Variants in PPARG observed in about 807,000 individuals in gnomAD.
The protein encoded by PPARG is peroxisome proliferator activated receptor gamma.
A neutral mutation model predicts 39.2 loss-of-function variants in PPARG; 17 were observed. The observed-to-expected ratio is 0.43, with a 90% CI of 0.30 to 0.65. The LOEUF (loss-of-function observed/expected upper bound fraction) is 0.65, where lower values mean the gene tolerates loss of function less well. Among genes scored for constraint, PPARG ranks in the 30% least tolerant of loss-of-function variants. The pLI is 0.13. For missense variants in PPARG, 406 were observed against 585.9 expected, an observed-to-expected ratio of 0.69 and a Z score of 3.17; for synonymous variants, 223 against 215.7, an observed-to-expected ratio of 1.03 and a Z score of -0.30.
intron 5 of PPARG, among the ~76,000 whole-genome samples, chr3:12,393,675 A>G (rs2050157364): frequency 6.6e-6 from 1 of 152,122 alleles, no homozygotes; most frequent in African/African-American, 2.4e-5. Flanking sequence ...TTCATCAGCT[A>G]TCCTATTTTT....
chr3:12,352,239 T>C (rs927441619), intron 2 of PPARG, among the ~76,000 whole-genome samples: 9 of 152,218 alleles, frequency 5.9e-5, no homozygotes, highest in African/African-American at 2.2e-4. Flanking sequence ...GGATACTTCC[T>C]AGCATAGTGC....
intron 2 of PPARG, among the ~76,000 whole-genome samples, chr3:12,350,357 A>G (rs907096368): frequency 6.6e-6 from 1 of 152,190 alleles, no homozygotes; most frequent in African/African-American, 2.4e-5. Flanking sequence ...AGGCTCTTGC[A>G]CCATGATTGA....
At chr3:12,397,629 C>A (rs905141430) in intron 5 of PPARG, among the ~76,000 whole-genome samples, 2 of 151,864 alleles carry the variant, frequency 1.3e-5, no homozygotes, top group East Asian at 3.9e-4. Context: ...CCAGGATGGT[C>A]GCGATCTCCT....
intron 1 of PPARG, among the ~76,000 whole-genome samples, chr3:12,305,463 G>A (rs10510412): frequency 0.25 from 37,920 of 152,056 alleles, 4,844 homozygotes; most frequent in East Asian, 0.33. Context: ...TTTTGTAAGC[G>A]TAATGGCTTG....
intron 6 of PPARG, among the ~76,000 whole-genome samples, chr3:12,413,334 T>C (rs1335393629): frequency 5.3e-5 from 8 of 152,218 alleles, no homozygotes; most frequent in Admixed American, 4.6e-4. Flanking sequence ...GGGATCACTC[T>C]TGCAGTTTGA....
chr3:12,351,752 T>G (rs1224967362), intron 2 of PPARG: 2 of 1,146,190 alleles, frequency 1.7e-6, no homozygotes, highest in African/African-American at 1.5e-5. Flanking sequence ...GTAGTTTGTC[T>G]TCCAGGTTGT....
At chr3:12,405,815 G>A in intron 5 of PPARG, 67 bp from the exon 6 acceptor site, 2 of 1,517,452 alleles carry the variant, frequency 1.3e-6, no homozygotes, top group South Asian at 1.1e-5. Flanking sequence ...AGGGCTGGGA[G>A]AGCACAGTGT....
At chr3:12,399,248 G>C in intron 5 of PPARG, 2 of 408,990 alleles carry the variant, frequency 4.9e-6, no homozygotes, top group Non-Finnish European at 9.8e-6. Flanking sequence ...AGAAACCTAA[G>C]AAAATGTTTA....
intron 2 of PPARG, among the ~76,000 whole-genome samples, chr3:12,341,802 C>G (rs748477348): frequency 3.3e-5 from 5 of 150,796 alleles, no homozygotes; most frequent in Non-Finnish European, 5.9e-5. Context: ...GAGCAAGACC[C>G]TGTCTCAAAA....
chr3:12,381,453 G>T lies in PPARG; in HGVS notation c.352G>T (p.Gly118Ter). The T allele has an allele frequency of 6.2e-7, 1 of 1,613,390 alleles. No individual in the cohort carries two copies. The highest frequency in any genetic ancestry group is 1.1e-5 in the South Asian group (1 of 91,058). Reference protein sequence around the residue: ...ECRVCGDKASGFHYGVHACEG... With the variant: ...ECRVCGDKAS The stretch of plus-strand genomic sequence containing the variant: ...TCGTGTCTGTGGAGATAAAGCTTCT[G>T]GATTTCACTATGGAGTTCATGCTTG... The change falls in exon 4 of 8, where the codon GGA (glycine) becomes TGA (stop). Residue 118 changes from glycine (G) to a stop codon, truncating the protein, a stop_gained. Transcript: ENST00000651735. LOFTEE classifies it high-confidence loss of function.
chr3:12,415,891 AT>A (rs1289771751), intron 6 of PPARG, among the ~76,000 whole-genome samples: 2 of 152,240 alleles, frequency 1.3e-5, no homozygotes, highest in African/African-American at 4.8e-5. Context: ...CGGAAAAGTT[AT>A]TACCTGTGAA....
chr3:12,292,042 C>T (rs1452951538), intron 1 of PPARG, among the ~76,000 whole-genome samples: 1 of 152,168 alleles, frequency 6.6e-6, no homozygotes, highest in Non-Finnish European at 1.5e-5. Flanking sequence ...AACTCTTTTA[C>T]CAATGTTAAT....
rs372418195 is a variant in PPARG at position 12,409,329 on chromosome 3, A to T, written c.729+3248A>T. 3.9e-5 allele frequency among the ~76,000 whole-genome samples: 6 copies of T among 152,230 alleles called. No individual in the cohort carries two copies. The South Asian group carries it at 6.2e-4, about 16-fold the overall frequency. ...CACTGATGACACAAAACTAAACTACAATTGTTTGGCACCCTCTCTTCTCCT... is the reference window on the plus strand; with the variant it reads ...CACTGATGACACAAAACTAAACTACTATTGTTTGGCACCCTCTCTTCTCCT... On this transcript the variant is annotated intron_variant, in intron 6 of 7. Coordinates refer to ENST00000651735, the MANE Select transcript of PPARG (RefSeq NM_138711.6).
At chr3:12,372,945 G>T (rs1418404279) in intron 2 of PPARG, among the ~76,000 whole-genome samples, 1 of 152,132 alleles carries the variant, frequency 6.6e-6, no homozygotes, top group Non-Finnish European at 1.5e-5. Flanking sequence ...CACTCTAAAG[G>T]TTGTGAAATT....
intron 6 of PPARG, chr3:12,406,402 A>T (rs1033588564): frequency 1.9e-5 from 7 of 372,742 alleles, no homozygotes; most frequent in Admixed American, 1.2e-4. Flanking sequence ...CTTTCTCGGC[A>T]TCAAAATAAC....
chr3:12,425,578 T>C (rs1052052395), intron 7 of PPARG, among the ~76,000 whole-genome samples: 8 of 152,056 alleles, frequency 5.3e-5, no homozygotes, highest in South Asian at 2.1e-4. Flanking sequence ...AGGTTAGTGG[T>C]AGACTTGGAA....
At chr3:12,412,380 A>G (rs1172017788) in intron 6 of PPARG, among the ~76,000 whole-genome samples, 2 of 152,190 alleles carry the variant, frequency 1.3e-5, no homozygotes, top group African/African-American at 2.4e-5. Flanking sequence ...AATTGAATTT[A>G]CTCATCTATA....
At chr3:12,409,449 G>A in intron 6 of PPARG, among the ~76,000 whole-genome samples, 1 of 151,952 alleles carries the variant, frequency 6.6e-6, no homozygotes, top group Non-Finnish European at 1.5e-5. Context: ...GATTTCCAAC[G>A]AGACTAGAGA....
chr3:12,415,740 T>C (rs1002472219), intron 6 of PPARG, among the ~76,000 whole-genome samples: 1 of 152,208 alleles, frequency 6.6e-6, no homozygotes, highest in Non-Finnish European at 1.5e-5. Flanking sequence ...GTGAAATAGA[T>C]GGCTTCCAGA....
Sources: allele counts gnomAD v4.1 joint callset (sites outside exome capture counted in the v4.1 genomes callset), GRCh38; gene constraint gnomAD v4.1.1; transcripts MANE v1.5; gene names NCBI Gene and HGNC (gene_info 2026-07-23, HGNC 2026-07-21).